Variants in NEURL1 observed in about 807,000 individuals in gnomAD.
NEURL1 encodes the protein E3 ubiquitin-protein ligase NEURL1.
In NEURL1, 26 loss-of-function variants were observed where a neutral mutation model predicts 41.2. The observed-to-expected ratio is 0.63, with a 90% CI of 0.46 to 0.87. The LOEUF (loss-of-function observed/expected upper bound fraction) is 0.87, where lower values mean the gene tolerates loss of function less well. Among genes scored for constraint, NEURL1 ranks in the 40% least tolerant of loss-of-function variants. The probability of loss-of-function intolerance (pLI) is 0.00; values close to 1 mark genes in which losing one functional copy is unlikely to be tolerated. For synonymous variants in NEURL1, 400 were observed against 402.3 expected (o/e 0.99, Z 0.07); for missense variants, 761 against 871.1 (o/e 0.87, Z 1.59).
chr10:103,571,554 C>T lies in NEURL1; in HGVS notation c.381C>T (p.Ser127=), dbSNP rs770698885. The T allele has an allele frequency of 1.2e-6, 2 of 1,612,248 alleles. No homozygotes were observed. The highest frequency in any genetic ancestry group is 1.7e-5 in the Admixed American group (1 of 59,988). ...WSGALRLGFT[S]KDPSRIHPDS... The stretch of plus-strand genomic sequence containing the variant: ...GGGCCCTGCGGCTGGGCTTCACCAG[C>T]AAGGACCCGTCCCGCATCCACCCTG... Residue 127 remains serine (S), a synonymous_variant, in exon 3 of 6, where the codon AGC becomes AGT. Coordinates refer to ENST00000369780, the MANE Select transcript of NEURL1 (RefSeq NM_004210.5).
At chr10:103,584,505 T>A (rs1467473401) in intron 3 of NEURL1, 31 bp from the exon 4 acceptor site, 7 of 1,302,806 alleles carry the variant, frequency 5.4e-6, no homozygotes, top group Non-Finnish European at 6.8e-6. Flanking sequence ...CCGAGAGCCC[T>A]GCGTGACACT....
intron 1 of NEURL1, among the ~76,000 whole-genome samples, chr10:103,549,535 T>A (rs917411655): frequency 4.6e-5 from 7 of 152,204 alleles, no homozygotes; most frequent in African/African-American, 1.7e-4. Flanking sequence ...CTGCTTCCTA[T>A]TCTCTACTGC....
Position 103,589,580 on chromosome 10 carries a change from C to T in NEURL1, c.1406C>T (p.Ser469Leu), listed in dbSNP as rs759066315. ...TGCTCCCCTGCCTCCACGCCAACCT[C>T]GCCCAGTGCCCTGGGCAGCCGCCTG... ...LPCSPASTPT[S>L]PSALGSRLSD... The change falls in exon 5 of 6, where the codon TCG (serine) becomes TTG (leucine). Residue 469 changes from serine to leucine, a missense_variant. Coordinates refer to ENST00000369780, the MANE Select transcript of NEURL1 (RefSeq NM_004210.5). 4.9e-5 allele frequency: 79 copies of T among 1,614,020 alleles called. No individual in the cohort carries two copies. The Admixed American group carries it at 5.0e-4, about 10-fold the overall frequency.
At chr10:103,506,590 C>T (rs2033950955) in intron 1 of NEURL1, among the ~76,000 whole-genome samples, 1 of 151,228 alleles carries the variant, frequency 6.6e-6, no homozygotes, top group African/African-American at 2.4e-5. Flanking sequence ...GACGGAGTCT[C>T]ACTCTGTCGC....
chr10:103,543,633 T>C (rs1019724312), intron 1 of NEURL1, among the ~76,000 whole-genome samples: 2 of 152,188 alleles, frequency 1.3e-5, no homozygotes, highest in African/African-American at 4.8e-5. Flanking sequence ...GCTCCCAGTA[T>C]GGGAAGGGCC....
intron 1 of NEURL1, among the ~76,000 whole-genome samples, chr10:103,546,147 C>T (rs567244525): frequency 1.3e-5 from 2 of 152,306 alleles, no homozygotes; most frequent in East Asian, 1.9e-4. Flanking sequence ...GGATGACAGA[C>T]GTTTGCCACT....
intron 1 of NEURL1, among the ~76,000 whole-genome samples, chr10:103,523,103 TCAAA>T (rs2034389807): frequency 6.6e-6 from 1 of 152,158 alleles, no homozygotes; most frequent in Non-Finnish European, 1.5e-5. Context: ...GTGTATCAAC[TCAAA>T]CACTTATCAT....
Position 103,584,603 on chromosome 10 carries a change from G to A in NEURL1, c.717G>A (p.Leu239=). 7.1e-7 allele frequency: 1 copy of A among 1,411,884 alleles called. No individual in the cohort carries two copies. Among genetic ancestry groups the A allele is most frequent in the Non-Finnish European group, 9.2e-7 (1 of 1,088,842 alleles). The allele number at this position is 1,411,884 out of a possible 1,614,324, so 87.5% of individuals were successfully genotyped here. A position where few individuals can be genotyped will look rare whatever the true frequency, so the allele number is the denominator to read the frequency against. The part of the protein sequence containing the change: ...RSFTALRRPS[L]RREADDARLS... Reference sequence around the variant, plus strand: ...TCACCGCCCTGCGGCGGCCGTCGCTGCGGCGCGAGGCGGACGACGCGCGCC... The same window carrying A: ...TCACCGCCCTGCGGCGGCCGTCGCTACGGCGCGAGGCGGACGACGCGCGCC... Residue 239 remains leucine, a synonymous_variant, in exon 4 of 6, where the codon CTG becomes CTA. Coordinates refer to ENST00000369780, the MANE Select transcript of NEURL1 (RefSeq NM_004210.5).
rs74763393 is a variant in NEURL1 at position 103,582,025 on chromosome 10, C to T, written c.650-2511C>T. 8.1e-3 allele frequency among the ~76,000 whole-genome samples: 1,230 copies of T among 152,290 alleles called. 16 individuals are homozygous for T. The highest frequency in any genetic ancestry group is 0.028 in the African/African-American group (1,151 of 41,542). On this transcript the variant is annotated intron_variant, in intron 3 of 5. Transcript: ENST00000369780. ...GGGGCAGAGAGACCAGGATAGCTTG[C>T]ATCCAGCCCCATTAAGAGCTCTGTT...
Position 103,494,330 on chromosome 10 carries a change from A to C in NEURL1, c.-58A>C. On this transcript the variant is annotated 5_prime_UTR_variant, in exon 1 of 6. Transcript: ENST00000369780. ...CGCGCACACTCGCACACCGCACCTC[A>C]GCGCCTGCCCGGCCTCGCCCCCACC... 2.8e-6 allele frequency: 4 copies of C among 1,453,066 alleles called. No homozygotes were observed. In the South Asian group the frequency reaches 3.7e-5, roughly 13 times the overall value. The allele number at this position is 1,453,066 out of a possible 1,614,324, so 90.0% of individuals were successfully genotyped here.
In NEURL1 at chr10:103,494,412, C is replaced by A; in HGVS notation, c.25C>A (p.Pro9Thr). The A allele has an allele frequency of 1.3e-6, 2 of 1,597,934 alleles. No individual in the cohort carries two copies. The highest frequency in any genetic ancestry group is 1.7e-6 in the Non-Finnish European group (2 of 1,172,826). ...CATGGGTAACAACTTCTCCAGTATCCCCTCGCTGCCCCGAGGAAACCCGAG... is the reference window on the plus strand; with the variant it reads ...CATGGGTAACAACTTCTCCAGTATCACCTCGCTGCCCCGAGGAAACCCGAG... Reference protein sequence around the residue: MGNNFSSIPSLPRGNPSRA... With the variant: MGNNFSSITSLPRGNPSRA... Residue 9 changes from proline to threonine, a missense_variant, in exon 1 of 6, where the codon CCC becomes ACC. By Grantham distance (38) the Pro-to-Thr change is conservative. Around this residue, in one of 5 missense-constraint regions of NEURL1, gnomAD observed 94 missense variants for 96.6 expected, o/e 0.97. Coordinates refer to ENST00000369780, the MANE Select transcript of NEURL1 (RefSeq NM_004210.5).
chr10:103,503,261 A>C (rs1165541856), intron 1 of NEURL1, among the ~76,000 whole-genome samples: 7 of 152,226 alleles, frequency 4.6e-5, no homozygotes, highest in Non-Finnish European at 1.0e-4. Context: ...AGAGTTTATT[A>C]AAAGATGCTT....
rs2036065886 is a variant in NEURL1 at position 103,592,204 on chromosome 10, A to AG, written c.*1836dup. The stretch of plus-strand genomic sequence containing the variant: ...CTATAAAATGGTTGTTTCGGGAGAG[A>AG]GGGGCAGGCTTTCTGTGTGACTCGG... On this transcript the variant is annotated 3_prime_UTR_variant, in exon 6 of 6. Coordinates refer to ENST00000369780, the MANE Select transcript of NEURL1 (RefSeq NM_004210.5). The surrounding 1 kb of genome is among the most constrained non-coding windows in gnomAD (Gnocchi z 4.8). 6.6e-6 allele frequency: 1 copy of AG among 152,182 alleles called. No individual in the cohort carries two copies. Among genetic ancestry groups the AG allele is most frequent in the Non-Finnish European group, 1.5e-5 (1 of 68,062 alleles). 9.4% of individuals were successfully genotyped at this position (152,182 alleles called of 1,614,324 possible).
In NEURL1 at chr10:103,553,139, C is replaced by G. The variant is rs143135452; in HGVS notation, c.86-17733C>G. On this transcript the variant is annotated intron_variant, in intron 1 of 5. Coordinates refer to ENST00000369780, the MANE Select transcript of NEURL1 (RefSeq NM_004210.5). ...GAGGGTGACTCTGCTGCTACAGGAA[C>G]AGCCTCCAAAGCATCTTCTTTTGGC... Among the ~76,000 whole-genome samples, 306 of 152,262 alleles carry G rather than the reference C, an allele frequency of 2.0e-3. 2 individuals are homozygous for G. The highest frequency in any genetic ancestry group is 7.1e-3 in the African/African-American group (297 of 41,560).
In NEURL1 at chr10:103,545,051, G is replaced by T. The variant is rs2034898605; in HGVS notation, c.86-25821G>T. Among the ~76,000 whole-genome samples the T allele has an allele frequency of 6.6e-6, 1 of 152,246 alleles. No homozygotes were observed. Among genetic ancestry groups the T allele is most frequent in the Non-Finnish European group, 1.5e-5 (1 of 68,044 alleles). ...AATCCCGAAGAGGGAGGTGTCGGGG[G>T]ACAGGAGCCTGAGAGAAGTTACTGG... is the stretch of plus-strand genomic sequence containing the variant. On this transcript the variant is annotated intron_variant, in intron 1 of 5. Coordinates refer to ENST00000369780, the MANE Select transcript of NEURL1 (RefSeq NM_004210.5). This position sits in a 1 kb window ranked among gnomAD's most constrained non-coding sequence, Gnocchi z 4.5.
At chr10:103,580,945 T>A (rs993308788) in intron 3 of NEURL1, among the ~76,000 whole-genome samples, 3 of 152,204 alleles carry the variant, frequency 2.0e-5, no homozygotes, top group Admixed American at 6.5e-5. Context: ...GGTGATTTCA[T>A]TCAATGAGTA....
intron 1 of NEURL1, chr10:103,548,952 A>G (rs1320244179): frequency 6.6e-6 from 1 of 152,246 alleles, no homozygotes; most frequent in East Asian, 1.9e-4. Context: ...GACCTGTGAC[A>G]CAGATCTTAT....
At chr10:103,535,756 G>T (rs1294981192) in intron 1 of NEURL1, among the ~76,000 whole-genome samples, 1 of 152,166 alleles carries the variant, frequency 6.6e-6, no homozygotes, top group Non-Finnish European at 1.5e-5. Context: ...CCTCTGCTGG[G>T]CCCTGCAGGG....
rs2034911176 is a variant in NEURL1, at chr10:103,545,712, GC to G, written c.86-25157del. Among the ~76,000 whole-genome samples the G allele has an allele frequency of 6.6e-6, 1 of 152,210 alleles. No individual in the cohort carries two copies. The highest frequency in any genetic ancestry group is 1.9e-4 in the East Asian group (1 of 5,196). On this transcript the variant is annotated intron_variant, in intron 1 of 5. Coordinates refer to ENST00000369780, the MANE Select transcript of NEURL1 (RefSeq NM_004210.5). The surrounding 1 kb of genome is among the most constrained non-coding windows in gnomAD (Gnocchi z 4.5). The stretch of plus-strand genomic sequence containing the variant: ...GTTCCTATTTTTTGAGCCAAGCCAA[GC>G]CCTCTGCTCCTGCAAGGGACTGCCA...
Sources: gnomAD v4.1 joint callset for allele counts (sites outside exome capture counted in the v4.1 genomes callset) on GRCh38, gnomAD v4.1.1 for gene constraint, gnomAD v4.1.1 regional missense constraint, Gnocchi (gnomAD v3.1) non-coding constraint, MANE v1.5 for transcripts, NCBI Gene and HGNC (gene_info 2026-07-23, HGNC 2026-07-21) for gene names.